LRRFIP1: variants seen among roughly 807,000 people sequenced by gnomAD.
LRRFIP1 encodes leucine-rich repeat flightless-interacting protein 1.
Under a neutral mutation model 104.4 loss-of-function variants are expected in LRRFIP1, and 62 were observed. That is an observed-to-expected ratio of 0.59 (90% CI 0.48 to 0.73). The LOEUF is 0.73. Among genes scored for constraint, LRRFIP1 ranks in the 30% least tolerant of loss-of-function variants. LRRFIP1 has a pLI of 0.00. For synonymous variants in LRRFIP1, 300 were observed against 299.0 expected (o/e 1.00, Z -0.03); for missense variants, 796 against 824.5 (o/e 0.97, Z 0.42).
intron 10 of LRRFIP1, 109 bp from the exon 11 acceptor site, chr2:237,739,123 T>A: frequency 1.0e-6 from 1 of 960,410 alleles, no homozygotes; most frequent in Non-Finnish European, 1.6e-6. Flanking sequence ...GTGGCTAACC[T>A]CACCACTTAC....
At chr2:237,627,779 G>A in intron 1 of LRRFIP1, 39 bp downstream of exon 1, 1 of 1,172,286 alleles carries the variant, frequency 8.5e-7, no homozygotes, top group Non-Finnish European at 1.1e-6. Flanking sequence ...GCGCCGGGCG[G>A]GCGCGGGGGC....
In LRRFIP1 at chr2:237,716,685, A is replaced by C. The variant is rs79104045; in HGVS notation, c.202-1077A>C. ...ATTTTAATGTATGAAGAGAAAACTC[A>C]CATCTGTGTTATAATGATACGGAAG... On this transcript the variant is annotated intron_variant, in intron 3 of 23. Coordinates refer to ENST00000308482, the MANE Select transcript of LRRFIP1 (RefSeq NM_001137550.2). Among the ~76,000 whole-genome samples, 1,342 of 152,348 alleles carry C rather than the reference A, an allele frequency of 8.8e-3. 18 individuals carry two copies. The highest frequency in any genetic ancestry group is 0.03 in the African/African-American group (1,245 of 41,590).
At chr2:237,641,106 TA>T (rs1466106859) in intron 1 of LRRFIP1, among the ~76,000 whole-genome samples, 1 of 151,978 alleles carries the variant, frequency 6.6e-6, no homozygotes, top group Non-Finnish European at 1.5e-5. Context: ...AATATTCTTT[TA>T]AAAAATGGTA....
chr2:237,756,548 T>A (rs905273562), intron 16 of LRRFIP1, among the ~76,000 whole-genome samples: 1 of 152,222 alleles, frequency 6.6e-6, no homozygotes, highest in Non-Finnish European at 1.5e-5. Context: ...TATCTCCAAA[T>A]ACAGTCACAT....
At chr2:237,773,227 T>C (rs948966804) in intron 22 of LRRFIP1, among the ~76,000 whole-genome samples, 1 of 152,136 alleles carries the variant, frequency 6.6e-6, no homozygotes, top group Non-Finnish European at 1.5e-5. Context: ...GTTTTAAAAT[T>C]TTGTTCTTTA....
intron 5 of LRRFIP1, among the ~76,000 whole-genome samples, chr2:237,719,980 CT>C (rs2094482051): frequency 7.4e-6 from 1 of 134,386 alleles, no homozygotes; most frequent in Non-Finnish European, 1.5e-5. Context: ...CAGAGTCTCG[CT>C]TTGTCACCCA....
intron 1 of LRRFIP1, among the ~76,000 whole-genome samples, chr2:237,687,920 T>C (rs74001253): frequency 0.041 from 6,276 of 152,220 alleles, 329 homozygotes; most frequent in African/African-American, 0.13. Flanking sequence ...TGCAACAGAC[T>C]AACACCATGG....
chr2:237,750,198 G>T (rs985614245), intron 13 of LRRFIP1, among the ~76,000 whole-genome samples: 1 of 152,068 alleles, frequency 6.6e-6, no homozygotes, highest in Non-Finnish European at 1.5e-5. Flanking sequence ...CCTTGAAGAT[G>T]CTTCCAACAC....
chr2:237,730,337 T>G lies in LRRFIP1; in HGVS notation c.444+2402T>G, dbSNP rs370253995. Among the ~76,000 whole-genome samples the G allele has an allele frequency of 3.0e-4, 46 of 152,322 alleles. No individual in the cohort carries two copies. In the South Asian group the frequency reaches 9.3e-3, roughly 31 times the overall value. ...ATTCTCTACAAACATGCATCGGTCT[T>G]GATAAACATAATTTCTAAATTGTTT... On this transcript the variant is annotated intron_variant, in intron 8 of 23. Transcript: ENST00000308482.
rs923093824 is a variant in LRRFIP1, at chr2:237,719,516, T to C, written c.250-7T>C. ...CTAACCTTTTCATGCTGTTTCTTCA[T>C]TGTTAGGAAGACAGTGAGCGCTACT... On this transcript the variant is annotated splice_polypyrimidine_tract_variant and splice_region_variant and intron_variant, in intron 4 of 23. Transcript: ENST00000308482. 3.7e-6 allele frequency: 6 copies of C among 1,612,330 alleles called. No homozygotes were observed. In the Admixed American group the frequency reaches 8.3e-5, roughly 22 times the overall value.
chr2:237,741,823 G>A (rs59981858), intron 11 of LRRFIP1, among the ~76,000 whole-genome samples: 7,369 of 150,440 alleles, frequency 0.049, 199 homozygotes, highest in Middle Eastern at 0.13. Flanking sequence ...GCAAGGCTCC[G>A]TCTAAAAAAA....
In LRRFIP1 at chr2:237,711,015, T is replaced by C. The variant is rs1398193918; in HGVS notation, c.183+2385T>C. Among the ~76,000 whole-genome samples, 1 of 152,188 alleles carries C rather than the reference T, an allele frequency of 6.6e-6. No homozygotes were observed. The highest frequency in any genetic ancestry group is 6.5e-5 in the Admixed American group (1 of 15,276). On this transcript the variant is annotated intron_variant, in intron 2 of 23. Coordinates refer to ENST00000308482, the MANE Select transcript of LRRFIP1 (RefSeq NM_001137550.2). The surrounding 1 kb of genome is among the most constrained non-coding windows in gnomAD (Gnocchi z 4.4). The stretch of plus-strand genomic sequence containing the variant: ...GCCTGAAGCAATGATCGGGCCATGA[T>C]TGTCCCTGTGTGTAGCCACTGCACT...
In LRRFIP1 at chr2:237,779,558, T is replaced by C; in HGVS notation, c.*26T>C. ...ATTCCAGCTCTGATCAGGCAACTGG[T>C]TGGTGACTGGAGAGCATTGTTTCAT... On this transcript the variant is annotated 3_prime_UTR_variant, in exon 24 of 24. Coordinates refer to ENST00000308482, the MANE Select transcript of LRRFIP1 (RefSeq NM_001137550.2). 1.3e-6 allele frequency: 2 copies of C among 1,571,450 alleles called. No homozygotes were observed. Among genetic ancestry groups the C allele is most frequent in the Non-Finnish European group, 1.8e-6 (2 of 1,142,136 alleles).
intron 3 of LRRFIP1, among the ~76,000 whole-genome samples, chr2:237,714,626 T>G (rs1287064972): frequency 6.6e-6 from 1 of 152,250 alleles, no homozygotes; most frequent in African/African-American, 2.4e-5. Flanking sequence ...AAAAAGATGA[T>G]TTTATTAGAA....
chr2:237,632,973 G>C (rs972530640), intron 1 of LRRFIP1, among the ~76,000 whole-genome samples: 1 of 152,202 alleles, frequency 6.6e-6, no homozygotes, highest in Non-Finnish European at 1.5e-5. Context: ...TTGCTTTTCT[G>C]AGGCTGGCCA....
chr2:237,733,426 T>C (rs1245703727), intron 8 of LRRFIP1, among the ~76,000 whole-genome samples: 1 of 152,234 alleles, frequency 6.6e-6, no homozygotes, highest in Admixed American at 6.5e-5. Flanking sequence ...GGATTTGAGC[T>C]GTGGGTTTTG....
rs757301220 is a variant in LRRFIP1 at position 237,735,247 on chromosome 2, G to C, written c.490-21G>C. The C allele has an allele frequency of 1.2e-6, 2 of 1,609,864 alleles. No individual in the cohort carries two copies. The highest frequency in any genetic ancestry group is 1.7e-6 in the Non-Finnish European group (2 of 1,177,374). On this transcript the variant is annotated intron_variant, in intron 9 of 23. Coordinates refer to ENST00000308482, the MANE Select transcript of LRRFIP1 (RefSeq NM_001137550.2). This position sits in a 1 kb window ranked among gnomAD's most constrained non-coding sequence, Gnocchi z 4.6. ...TGGAGAAAGGAAGAGCGCCCATCCT[G>C]ACAGTCTCTTTTGGTCGCAGGCGTC...
At chr2:237,753,602 C>T in intron 15 of LRRFIP1, 123 bp downstream of exon 15, 1 of 712,320 alleles carries the variant, frequency 1.4e-6, no homozygotes. Context: ...TCGAGACCAG[C>T]CTGGGCAACA....
intron 1 of LRRFIP1, among the ~76,000 whole-genome samples, chr2:237,629,528 G>A (rs1242032860): frequency 6.9e-6 from 1 of 144,506 alleles, no homozygotes; most frequent in Admixed American, 7.1e-5. Context: ...CTGGAGTACA[G>A]TGGTATGATC....
Sources: allele counts gnomAD v4.1 joint callset (sites outside exome capture counted in the v4.1 genomes callset), GRCh38; gene constraint gnomAD v4.1.1; non-coding constraint Gnocchi (gnomAD v3.1); transcripts MANE v1.5; gene names NCBI Gene and HGNC (gene_info 2026-07-23, HGNC 2026-07-21).